Variants in KHDRBS2 observed in about 807,000 individuals in gnomAD.
KHDRBS2 encodes the protein KH domain-containing, RNA-binding, signal transduction-associated protein 2.
A neutral mutation model predicts 44.3 loss-of-function variants in KHDRBS2; 26 were observed. The ratio of observed to expected loss-of-function variants is 0.59; its 90% confidence interval spans 0.43 to 0.81. The LOEUF is 0.81. KHDRBS2 is among the 40% of genes least tolerant of loss of function. The pLI is 0.00. For synonymous variants in KHDRBS2, 194 were observed against 151.1 expected, an observed-to-expected ratio of 1.28 and a Z score of -2.08; for missense variants, 476 against 433.1, an observed-to-expected ratio of 1.10 and a Z score of -0.88.
At chr6:61,965,519 G>A (rs1333652421) in intron 4 of KHDRBS2, among the ~76,000 whole-genome samples, 2 of 151,928 alleles carry the variant, frequency 1.3e-5, no homozygotes, top group Non-Finnish European at 2.9e-5. Flanking sequence ...AGGCAAATGG[G>A]GATTAAAAAG....
the KHDRBS2 span, among the ~76,000 whole-genome samples, chr6:61,664,798 T>C: frequency 6.6e-6 from 1 of 151,724 alleles, no homozygotes; most frequent in Non-Finnish European, 1.5e-5. Context: ...TCTTAAACAC[T>C]GTTTCACTGA....
chr6:61,924,175 C>T (rs1331367175), intron 4 of KHDRBS2, among the ~76,000 whole-genome samples: 3 of 152,042 alleles, frequency 2.0e-5, no homozygotes, highest in Non-Finnish European at 2.9e-5. Flanking sequence ...TAAAAAGAGA[C>T]GTACACTATG....
chr6:62,204,182 C>T (rs1417772861), intron 1 of KHDRBS2, among the ~76,000 whole-genome samples: 1 of 152,108 alleles, frequency 6.6e-6, no homozygotes, highest in Non-Finnish European at 1.5e-5. Context: ...TCAGGCATTC[C>T]TTTGTAGCAA....
At chr6:61,615,552 C>G in the KHDRBS2 span, among the ~76,000 whole-genome samples, 1 of 152,108 alleles carries the variant, frequency 6.6e-6, no homozygotes, top group African/African-American at 2.4e-5. Context: ...ATCAGCTAAC[C>G]TCTTCTTTTT....
At chr6:61,972,837 T>C (rs1284062908) in intron 4 of KHDRBS2, among the ~76,000 whole-genome samples, 1 of 152,208 alleles carries the variant, frequency 6.6e-6, no homozygotes, top group African/African-American at 2.4e-5. Flanking sequence ...GTTTTCCCTA[T>C]ATATTCACCT....
intron 2 of KHDRBS2, among the ~76,000 whole-genome samples, chr6:62,063,488 TA>T (rs985429077): frequency 9.3e-5 from 14 of 150,908 alleles, no homozygotes; most frequent in African/African-American, 3.4e-4. Context: ...CGCAAATCAA[TA>T]AATGTAATCC....
chr6:62,240,041 G>T (rs1338398851), intron 1 of KHDRBS2, among the ~76,000 whole-genome samples: 2 of 152,082 alleles, frequency 1.3e-5, no homozygotes, highest in African/African-American at 4.8e-5. Context: ...ACAGAGTACA[G>T]AAAAGCTCTG....
At chr6:61,579,961 G>T in the KHDRBS2 span, among the ~76,000 whole-genome samples, 1 of 152,042 alleles carries the variant, frequency 6.6e-6, no homozygotes, top group South Asian at 2.1e-4. Context: ...GGAGGCTGAG[G>T]CAGGAGAATC....
At chr6:62,068,444 T>C (rs1672769749) in intron 2 of KHDRBS2, among the ~76,000 whole-genome samples, 1 of 151,632 alleles carries the variant, frequency 6.6e-6, no homozygotes, top group African/African-American at 2.4e-5. Context: ...TAATATTTTC[T>C]TCCATTCTTT....
chr6:61,945,814 T>C (rs1234147928), intron 4 of KHDRBS2, among the ~76,000 whole-genome samples: 2 of 151,992 alleles, frequency 1.3e-5, no homozygotes, highest in Non-Finnish European at 2.9e-5. Context: ...CATCAATACA[T>C]AAAGTCCATT....
intron 4 of KHDRBS2, among the ~76,000 whole-genome samples, chr6:61,914,665 A>G (rs1406995963): frequency 6.6e-6 from 1 of 152,128 alleles, no homozygotes; most frequent in Non-Finnish European, 1.5e-5. Context: ...TAATAATAAT[A>G]CTTTTTAAAA....
intron 2 of KHDRBS2, among the ~76,000 whole-genome samples, chr6:62,089,454 G>C (rs1051855165): frequency 6.6e-6 from 1 of 152,080 alleles, no homozygotes; most frequent in African/African-American, 2.4e-5. Context: ...CCCATGGCAT[G>C]ATCCAGCTTC....
chr6:61,565,756 T>C, the KHDRBS2 span, among the ~76,000 whole-genome samples: 1 of 152,124 alleles, frequency 6.6e-6, no homozygotes, highest in East Asian at 1.9e-4. Flanking sequence ...TACACATTTT[T>C]ATAACACAGG....
chr6:61,801,536 AAC>A (rs1448610514), intron 6 of KHDRBS2, among the ~76,000 whole-genome samples: 1 of 152,156 alleles, frequency 6.6e-6, no homozygotes, highest in African/African-American at 2.4e-5. Flanking sequence ...ATAAAGAAAG[AAC>A]ACTGATGAAT....
At chr6:62,125,922 G>C (rs959969311) in intron 2 of KHDRBS2, among the ~76,000 whole-genome samples, 2 of 152,186 alleles carry the variant, frequency 1.3e-5, no homozygotes, top group African/African-American at 4.8e-5. Flanking sequence ...ATTCCAAGCT[G>C]TGGTGGCTAC....
At chr6:61,767,633 A>G (rs1780204198) in intron 6 of KHDRBS2, among the ~76,000 whole-genome samples, 1 of 151,484 alleles carries the variant, frequency 6.6e-6, no homozygotes, top group South Asian at 2.1e-4. Flanking sequence ...TTTTTTGTGT[A>G]TCTGCTATAT....
At chr6:61,940,158 C>T (rs562203358) in intron 4 of KHDRBS2, among the ~76,000 whole-genome samples, 45 of 150,794 alleles carry the variant, frequency 3.0e-4, no homozygotes, top group Admixed American at 1.3e-3. Context: ...ATATATTTAA[C>T]GGAACAACAA....
At chr6:61,954,989 CAT>C (rs144454493) in intron 4 of KHDRBS2, among the ~76,000 whole-genome samples, 1 of 131,340 alleles carries the variant, frequency 7.6e-6, no homozygotes, top group African/African-American at 2.8e-5. Context: ...TATGTGTATA[CAT>C]ATATAGACAT....
the KHDRBS2 span, among the ~76,000 whole-genome samples, chr6:61,557,108 T>C: frequency 3.9e-5 from 6 of 152,148 alleles, no homozygotes; most frequent in Admixed American, 1.3e-4. Context: ...CCTGAAATAG[T>C]CTTGGGACCC....
Sources: allele counts gnomAD v4.1 joint callset (sites outside exome capture counted in the v4.1 genomes callset), GRCh38; gene constraint gnomAD v4.1.1; transcripts MANE v1.5; gene names NCBI Gene and HGNC (gene_info 2026-07-23, HGNC 2026-07-21).